The following NCOA2 variants were observed in gnomAD, a reference collection of about 807,000 sequenced individuals.
NCOA2 encodes class E basic helix-loop-helix protein 75.
A neutral mutation model predicts 145.1 loss-of-function variants in NCOA2; 21 were observed. The ratio of observed to expected loss-of-function variants is 0.14; its 90% CI spans 0.10 to 0.21. NCOA2 has a LOEUF of 0.21. Among genes scored for constraint, NCOA2 ranks in the 10% least tolerant of loss-of-function variants. The probability of loss-of-function intolerance (pLI) is 1.00; values close to 1 mark genes in which losing one functional copy is unlikely to be tolerated. For missense variants in NCOA2, 1,472 were observed against 1,837.6 expected, an observed-to-expected ratio of 0.80 and a Z score of 3.64; for synonymous variants, 619 against 637.5, an observed-to-expected ratio of 0.97 and a Z score of 0.44.
intron 2 of NCOA2, among the ~76,000 whole-genome samples, 179 bp from the exon 3 acceptor site, chr8:70,216,943 C>A (rs1196737947): frequency 1.3e-5 from 2 of 152,122 alleles, no homozygotes; most frequent in Non-Finnish European, 2.9e-5. Flanking sequence ...TTAAAAAAAT[C>A]TTTTAAGATT....
At chr8:70,149,590 A>AC (rs960524351) in intron 11 of NCOA2, among the ~76,000 whole-genome samples, 11 of 152,110 alleles carry the variant, frequency 7.2e-5, no homozygotes, top group African/African-American at 2.7e-4. Context: ...TTAAAAAAAA[A>AC]AACAAAATTC....
At chr8:70,287,116 C>T (rs1459526028) in intron 2 of NCOA2, among the ~76,000 whole-genome samples, 1 of 152,052 alleles carries the variant, frequency 6.6e-6, no homozygotes, top group Non-Finnish European at 1.5e-5. Context: ...TGGTGGTATA[C>T]ACCTGTAATC....
intron 16 of NCOA2, among the ~76,000 whole-genome samples, chr8:70,129,741 G>A (rs931144023): frequency 3.3e-5 from 5 of 151,780 alleles, no homozygotes; most frequent in Non-Finnish European, 4.4e-5. Context: ...TTGTGATCTC[G>A]GCTCACTGCA....
chr8:70,424,019 A>T, the NCOA2 span: 1 of 154,922 alleles, frequency 6.5e-6, no homozygotes, highest in African/African-American at 2.4e-5. Flanking sequence ...TCCAGAGGAT[A>T]TACAAATGAA....
upstream of NCOA2, among the ~76,000 whole-genome samples, chr8:70,404,412 C>G (rs1470110069): frequency 6.6e-6 from 1 of 152,182 alleles, no homozygotes; most frequent in Non-Finnish European, 1.5e-5. Flanking sequence ...AGAGGACCCT[C>G]GCGCCCGTCC....
At chr8:70,403,120 CCTCCCCTCGCCCGG>C (rs1814516374) in intron 1 of NCOA2, among the ~76,000 whole-genome samples, 1 of 150,900 alleles carries the variant, frequency 6.6e-6, no homozygotes, top group Non-Finnish European at 1.5e-5. Context: ...CCGAGTCCTG[CCTCCCCTCGCCCGG>C]CTCCCACTCT....
chr8:70,177,047 T>C (rs535417687), intron 4 of NCOA2, among the ~76,000 whole-genome samples: 2 of 152,366 alleles, frequency 1.3e-5, no homozygotes, highest in East Asian at 3.9e-4. Flanking sequence ...GCAGGAGCAA[T>C]GTGCTGACAT....
chr8:70,147,648 TAGA>T (rs1257136337), intron 12 of NCOA2, among the ~76,000 whole-genome samples: 2 of 152,148 alleles, frequency 1.3e-5, no homozygotes, highest in Non-Finnish European at 2.9e-5. Flanking sequence ...AATGAAAAGA[TAGA>T]AGATGTTCTT....
chr8:70,119,638 T>C (rs1807558814), intron 22 of NCOA2, among the ~76,000 whole-genome samples: 1 of 152,230 alleles, frequency 6.6e-6, no homozygotes, highest in African/African-American at 2.4e-5. Context: ...ATCTCCATAC[T>C]GGCTCTACTA....
chr8:70,195,614 T>A (rs1337773192), intron 4 of NCOA2, among the ~76,000 whole-genome samples: 2 of 152,248 alleles, frequency 1.3e-5, no homozygotes, highest in African/African-American at 4.8e-5. Context: ...GCTTGTAATA[T>A]TAATTACATC....
intron 4 of NCOA2, among the ~76,000 whole-genome samples, chr8:70,198,889 A>G (rs1817611292): frequency 6.6e-6 from 1 of 152,126 alleles, no homozygotes; most frequent in Non-Finnish European, 1.5e-5. Context: ...GCACCTGTGG[A>G]ACACCCCTGT....
At chr8:70,268,408 C>A (rs1437572004) in intron 2 of NCOA2, among the ~76,000 whole-genome samples, 1 of 152,176 alleles carries the variant, frequency 6.6e-6, no homozygotes, top group Non-Finnish European at 1.5e-5. Flanking sequence ...TTTTACATGA[C>A]ATGGCAACAA....
At chr8:70,368,443 G>GACC (rs1810912715) in intron 1 of NCOA2, among the ~76,000 whole-genome samples, 1 of 152,086 alleles carries the variant, frequency 6.6e-6, no homozygotes, top group Middle Eastern at 3.2e-3. Flanking sequence ...ATGGATTATA[G>GACC]ATAAAAGACC....
At chr8:70,415,171 T>C in the NCOA2 span, among the ~76,000 whole-genome samples, 2 of 151,962 alleles carry the variant, frequency 1.3e-5, no homozygotes, top group Non-Finnish European at 2.9e-5. Flanking sequence ...AACCTGAGTT[T>C]TTTATTTTTT....
At chr8:70,160,676 A>G (rs867136370) in intron 9 of NCOA2, among the ~76,000 whole-genome samples, 1 of 144,550 alleles carries the variant, frequency 6.9e-6, no homozygotes, top group African/African-American at 2.8e-5. Context: ...AGAGAGAGAG[A>G]GAGAGGGAGA....
At chr8:70,193,886 G>C (rs779939277) in intron 4 of NCOA2, among the ~76,000 whole-genome samples, 10 of 142,364 alleles carry the variant, frequency 7.0e-5, no homozygotes, top group Non-Finnish European at 1.5e-4. Context: ...GGTGTTAACT[G>C]GCAGTGGAAA....
At chr8:70,152,544 C>T (rs937210762) in intron 11 of NCOA2, among the ~76,000 whole-genome samples, 1 of 152,106 alleles carries the variant, frequency 6.6e-6, no homozygotes, top group African/African-American at 2.4e-5. Context: ...AGACTATTTC[C>T]AAACCCTTAT....
chr8:70,388,137 C>T (rs1420211919), intron 1 of NCOA2, among the ~76,000 whole-genome samples: 1 of 150,752 alleles, frequency 6.6e-6, no homozygotes, highest in African/African-American at 2.5e-5. Context: ...GTAAATAGAA[C>T]TCCCTGATTC....
At chr8:70,159,242 A>ATATATATATATATATTTTTTTTT in intron 10 of NCOA2, among the ~76,000 whole-genome samples, 1 of 61,076 alleles carries the variant, frequency 1.6e-5, no homozygotes, top group African/African-American at 5.4e-5. Flanking sequence ...ATATATATAT[A>ATATATATATATATATTTTTTTTT]TTTTTTTTTT....
Sources: allele counts gnomAD v4.1 joint callset (sites outside exome capture counted in the v4.1 genomes callset), GRCh38; gene constraint gnomAD v4.1.1; transcripts MANE v1.5; gene names NCBI Gene and HGNC (gene_info 2026-07-23, HGNC 2026-07-21).